The following GPM6B variants were observed in gnomAD, a reference collection of about 807,000 sequenced individuals.
GPM6B encodes the protein neuronal membrane glycoprotein M6-b.
A neutral mutation model predicts 27.2 loss-of-function variants in GPM6B; 4 were observed. The observed-to-expected ratio is 0.15, with a 90% CI of 0.07 to 0.34. The LOEUF is 0.34. Ranked by LOEUF, GPM6B falls within the 10% of genes least tolerant of loss-of-function variation. The pLI, the probability that GPM6B is intolerant of heterozygous loss-of-function variation, is 1.00. For missense variants in GPM6B, 183 were observed against 261.9 expected (o/e 0.70, Z 2.08); for synonymous variants, 124 against 103.1 (o/e 1.20, Z -1.23).
chrX:13,814,680 A>C (rs2049201711), intron 1 of GPM6B, among the ~76,000 whole-genome samples: 1 of 112,140 alleles, frequency 8.9e-6, no homozygotes, highest in Admixed American at 9.4e-5. Flanking sequence ...GGGAAACTAC[A>C]AAGTGTCTTG....
chrX:13,865,243 G>A (rs972777251), intron 1 of GPM6B, among the ~76,000 whole-genome samples: 3 of 110,509 alleles, frequency 2.7e-5, no homozygotes, highest in Non-Finnish European at 5.7e-5. Context: ...GTCACTAAAT[G>A]CAAGTTCAAC....
At chrX:13,912,544 A>G (rs969327644) in intron 1 of GPM6B, among the ~76,000 whole-genome samples, 1 of 111,985 alleles carries the variant, frequency 8.9e-6, no homozygotes, top group Admixed American at 9.5e-5. Flanking sequence ...ATGCTTTTGA[A>G]GCAATCCTTT....
At chrX:13,774,783 A>T (rs1330620272) in intron 7 of GPM6B, among the ~76,000 whole-genome samples, 2 of 111,894 alleles carry the variant, frequency 1.8e-5, no homozygotes, top group African/African-American at 6.5e-5. Context: ...TAGCACACAC[A>T]AACTTTTTCT....
chrX:13,843,521 A>G (rs1442424301), intron 1 of GPM6B, among the ~76,000 whole-genome samples: 1 of 112,148 alleles, frequency 8.9e-6, no homozygotes, highest in Admixed American at 9.4e-5. Context: ...AACTGCCATT[A>G]TGTTTTCCAA....
At chrX:13,815,146 G>A (rs984091626) in intron 1 of GPM6B, among the ~76,000 whole-genome samples, 2 of 111,478 alleles carry the variant, frequency 1.8e-5, no homozygotes, top group Admixed American at 1.9e-4. Flanking sequence ...ATTTTATATT[G>A]GTTATATGAC....
intron 6 of GPM6B, 70 bp downstream of exon 6, chrX:13,777,282 T>C (rs1001193881): frequency 2.6e-6 from 2 of 767,065 alleles, no homozygotes; most frequent in South Asian, 4.2e-5. Context: ...TCTCGCTCTT[T>C]CTACAGCTGG....
At chrX:13,903,661 C>T (rs1265640647) in intron 1 of GPM6B, among the ~76,000 whole-genome samples, 1 of 112,108 alleles carries the variant, frequency 8.9e-6, no homozygotes, top group African/African-American at 3.2e-5. Context: ...CGTTACTCAG[C>T]GCAAGAGAAG....
At chrX:13,857,468 C>T (rs952393557) in intron 1 of GPM6B, among the ~76,000 whole-genome samples, 2 of 112,133 alleles carry the variant, frequency 1.8e-5, no homozygotes, top group African/African-American at 3.2e-5. Flanking sequence ...TGGTTTTAAG[C>T]CCACAAGGTC....
intron 1 of GPM6B, among the ~76,000 whole-genome samples, chrX:13,895,986 CTTT>C (rs58403223): frequency 3.4e-4 from 30 of 87,075 alleles, no homozygotes; most frequent in Admixed American, 6.4e-4. Context: ...GCTAGAAAAA[CTTT>C]TTTTTTTTTT....
intron 7 of GPM6B, 37 bp from the exon 8 acceptor site, chrX:13,773,067 T>C (rs2048329266): frequency 6.0e-6 from 7 of 1,173,823 alleles, no homozygotes; most frequent in Non-Finnish European, 8.1e-6. Flanking sequence ...CTAGTGAGCA[T>C]TGTGAGAAGG....
intron 1 of GPM6B, among the ~76,000 whole-genome samples, chrX:13,843,811 G>C (rs192865839): frequency 1.8e-5 from 2 of 111,905 alleles, no homozygotes; most frequent in Non-Finnish European, 3.8e-5. Flanking sequence ...CTGGATGCAA[G>C]TCTCTTAGAT....
intron 1 of GPM6B, among the ~76,000 whole-genome samples, chrX:13,932,571 A>T (rs1032293176): frequency 7.1e-5 from 8 of 112,125 alleles, no homozygotes; most frequent in Admixed American, 3.8e-4. Flanking sequence ...CTGAGTGAGC[A>T]GCTGTCCAAT....
At chrX:13,841,294 C>T (rs2049571321) in intron 1 of GPM6B, among the ~76,000 whole-genome samples, 1 of 111,995 alleles carries the variant, frequency 8.9e-6, no homozygotes, top group African/African-American at 3.3e-5. Context: ...CCATCAAAGG[C>T]ATCACTACCC....
intron 1 of GPM6B, among the ~76,000 whole-genome samples, chrX:13,827,271 C>CTTTTT (rs1173680918): frequency 3.8e-4 from 28 of 73,643 alleles, no homozygotes; most frequent in Non-Finnish European, 5.0e-4. Context: ...TACCGACTTC[C>CTTTTT]TTTTTTTTTT....
In GPM6B at chrX:13,771,346, T is replaced by C. The variant is rs1006919292; in HGVS notation, c.*1535A>G. 3.6e-5 allele frequency: 4 copies of C among 109,851 alleles called. No homozygotes were observed. In the East Asian group the frequency reaches 1.1e-3, roughly 31 times the overall value. 9.1% of individuals were successfully genotyped at this position (109,851 alleles called of 1,213,427 possible). A position where few individuals can be genotyped will look rare whatever the true frequency, so the allele number is the denominator to read the frequency against. On this transcript the variant is annotated 3_prime_UTR_variant, in exon 8 of 8. Coordinates refer to ENST00000316715, the MANE Select transcript of GPM6B (RefSeq NM_001001995.3). ...CAGGAAAACAAAACACTAAGCTATTTTGGAACAACTGTTCTACACAGAAGA... is the reference window on the plus strand; with the variant it reads ...CAGGAAAACAAAACACTAAGCTATTCTGGAACAACTGTTCTACACAGAAGA...
chrX:13,805,057 C>A lies in GPM6B; in HGVS notation c.181+2593G>T, dbSNP rs180947959. Among the ~76,000 whole-genome samples the A allele has an allele frequency of 3.6e-5, 4 of 111,550 alleles. No homozygotes were observed. In the Admixed American group the frequency reaches 3.8e-4, roughly 11 times the overall value. ...CAGACATTAACAGTCCCCGTGGAGGCATCTTTTTTCCAATTATTTCCATCA... is the reference window on the plus strand; with the variant it reads ...CAGACATTAACAGTCCCCGTGGAGGAATCTTTTTTCCAATTATTTCCATCA... On this transcript the variant is annotated intron_variant, in intron 2 of 7. Coordinates refer to ENST00000316715, the MANE Select transcript of GPM6B (RefSeq NM_001001995.3).
At chrX:13,818,714 C>T (rs1466326127), upstream of GPM6B, among the ~76,000 whole-genome samples, 1 of 112,223 alleles carries the variant, frequency 8.9e-6, no homozygotes, top group Admixed American at 9.4e-5. Context: ...AAAAAAGATT[C>T]GTTTGTGATA....
chrX:13,854,472 G>C (rs1456458463), intron 1 of GPM6B, among the ~76,000 whole-genome samples: 1 of 111,790 alleles, frequency 8.9e-6, no homozygotes, highest in East Asian at 2.8e-4. Flanking sequence ...TCTCTCCACA[G>C]CAAGTTATCT....
chrX:13,843,450 G>C (rs1429875265), intron 1 of GPM6B, among the ~76,000 whole-genome samples: 1 of 111,867 alleles, frequency 8.9e-6, no homozygotes, highest in Non-Finnish European at 1.9e-5. Flanking sequence ...TTTCTTTTGG[G>C]TATATACCTG....
Sources: gnomAD v4.1 joint callset for allele counts (sites outside exome capture counted in the v4.1 genomes callset) on GRCh38, gnomAD v4.1.1 for gene constraint, MANE v1.5 for transcripts, NCBI Gene and HGNC (gene_info 2026-07-23, HGNC 2026-07-21) for gene names.